Variants in IQGAP2 observed in about 807,000 individuals in gnomAD.
The protein encoded by IQGAP2 is ras GTPase-activating-like protein IQGAP2.
Under a neutral mutation model 201.3 loss-of-function variants are expected in IQGAP2, and 173 were observed. The observed-to-expected ratio is 0.86, with a 90% confidence interval of 0.76 to 0.98. IQGAP2 has a LOEUF of 0.98. IQGAP2 is among the 50% of genes least tolerant of loss of function. The pLI, the probability that IQGAP2 is intolerant of heterozygous loss-of-function variation, is 0.00. For synonymous variants in IQGAP2, 675 were observed against 673.9 expected, an observed-to-expected ratio of 1.00 and a Z score of -0.03; for missense variants, 1,687 against 1,864.8, an observed-to-expected ratio of 0.90 and a Z score of 1.76.
intron 2 of IQGAP2, among the ~76,000 whole-genome samples, chr5:76,478,730 C>T (rs2150142353): frequency 6.6e-6 from 1 of 152,232 alleles, no homozygotes; most frequent in East Asian, 1.9e-4. Flanking sequence ...GCCATATATC[C>T]TAGGTGTGTA....
chr5:76,658,539 G>T lies in IQGAP2; in HGVS notation c.2401G>T (p.Glu801Ter). The change falls in exon 21 of 36, where the codon GAA (glutamate) becomes TAA (stop). Residue 801 changes from glutamate to a stop codon, truncating the protein, a stop_gained. Transcript: ENST00000274364. LOFTEE classifies it high-confidence loss of function. ...LDQSDLDFQE[E>*]LEVARLREEV... is the part of the protein sequence containing the mutation. ...CCAAAGTGATTTGGATTTCCAGGAG[G>T]AACTAGAGGTTGCACGATTAAGGGA... 1 of 1,614,034 alleles carries T rather than the reference G, an allele frequency of 6.2e-7. No individual in the cohort carries two copies. Among genetic ancestry groups the T allele is most frequent in the Non-Finnish European group, 8.5e-7 (1 of 1,179,986 alleles).
chr5:76,539,382 G>GC (rs1742604518), intron 2 of IQGAP2, among the ~76,000 whole-genome samples: 1 of 152,132 alleles, frequency 6.6e-6, no homozygotes, highest in Non-Finnish European at 1.5e-5. Context: ...TCATGGGTGT[G>GC]CCCCCACTCC....
Position 76,707,941 on chromosome 5 carries a change from G to C in IQGAP2, c.*628G>C, listed in dbSNP as rs1267477013. The C allele has an allele frequency of 6.6e-6, 1 of 152,602 alleles. No homozygotes were observed. The highest frequency in any genetic ancestry group is 1.9e-4 in the East Asian group (1 of 5,198). 9.5% of individuals were successfully genotyped at this position (152,602 alleles called of 1,614,324 possible). A position where few individuals can be genotyped will look rare whatever the true frequency, so the allele number is the denominator to read the frequency against. ...CCTCATGTAAAGACTCTTGCACGCA[G>C]AGCCTTTAAGTGACTAAGGAACAAC... On this transcript the variant is annotated 3_prime_UTR_variant, in exon 36 of 36. Transcript: ENST00000274364.
intron 3 of IQGAP2, among the ~76,000 whole-genome samples, chr5:76,569,220 G>A (rs1422958423): frequency 6.6e-6 from 1 of 152,174 alleles, no homozygotes; most frequent in Non-Finnish European, 1.5e-5. Context: ...CCGGAGAGAT[G>A]TAGTCTTGAA....
At chr5:76,492,475 T>C (rs1272650721) in intron 2 of IQGAP2, among the ~76,000 whole-genome samples, 1 of 152,114 alleles carries the variant, frequency 6.6e-6, no homozygotes, top group Admixed American at 6.6e-5. Flanking sequence ...AGGAAAAGAT[T>C]AGCATTGAGA....
At position 76,706,960 on chromosome 5, in the gene IQGAP2, T is replaced by C. The variant is rs535208706; in HGVS notation, c.4615-240T>C. Among the ~76,000 whole-genome samples the C allele has an allele frequency of 3.8e-4, 58 of 152,322 alleles. No individual in the cohort carries two copies. In the East Asian group the frequency reaches 9.9e-3, roughly 26 times the overall value. On this transcript the variant is annotated intron_variant, in intron 35 of 35. Coordinates refer to ENST00000274364, the MANE Select transcript of IQGAP2 (RefSeq NM_006633.5). Reference sequence around the variant, plus strand: ...ATGATTCTGATGTACACTTAAGTTTTAGAACCCCCATCTATGGCCTGGTGC... The same window carrying C: ...ATGATTCTGATGTACACTTAAGTTTCAGAACCCCCATCTATGGCCTGGTGC...
chr5:76,604,084 C>G (rs1450160257), intron 11 of IQGAP2, among the ~76,000 whole-genome samples: 2 of 151,994 alleles, frequency 1.3e-5, no homozygotes, highest in African/African-American at 4.8e-5. Context: ...ACCCATCAAC[C>G]CACCATCTAG....
chr5:76,597,629 G>A, intron 10 of IQGAP2, 27 bp downstream of exon 10: 1 of 1,612,906 alleles, frequency 6.2e-7, no homozygotes, highest in Non-Finnish European at 8.5e-7. Flanking sequence ...CCCAGCTGTG[G>A]GGACGGTAAC....
At chr5:76,404,171 C>A (rs1213938454) in intron 1 of IQGAP2, among the ~76,000 whole-genome samples, 1 of 151,980 alleles carries the variant, frequency 6.6e-6, no homozygotes, top group Non-Finnish European at 1.5e-5. Flanking sequence ...CTGAAACCCC[C>A]CAACCCCTTT....
At chr5:76,494,515 C>T (rs1214375921) in intron 2 of IQGAP2, among the ~76,000 whole-genome samples, 2 of 152,184 alleles carry the variant, frequency 1.3e-5, no homozygotes, top group Admixed American at 6.5e-5. Flanking sequence ...CACAATTGTA[C>T]ATGCCCTCAG....
rs375721188 is a variant in IQGAP2 at position 76,614,131 on chromosome 5, A to G, written c.1521+2948A>G. Among the ~76,000 whole-genome samples, 54 of 152,296 alleles carry G rather than the reference A, an allele frequency of 3.5e-4. No homozygotes were observed. The East Asian group carries it at 5.6e-3, about 16-fold the overall frequency. ...TTGTCTTTGAGGTGAGCCTGACTCC[A>G]CAAACCCAAGGCCTTTCATAGGCAG... is the stretch of plus-strand genomic sequence containing the variant. On this transcript the variant is annotated intron_variant, in intron 13 of 35. Coordinates refer to ENST00000274364, the MANE Select transcript of IQGAP2 (RefSeq NM_006633.5).
chr5:76,472,059 G>A (rs1755142683), intron 2 of IQGAP2, among the ~76,000 whole-genome samples: 1 of 152,220 alleles, frequency 6.6e-6, no homozygotes, highest in Non-Finnish European at 1.5e-5. Context: ...TGCGGCAGCT[G>A]GTGGGGCAGA....
intron 2 of IQGAP2, among the ~76,000 whole-genome samples, chr5:76,490,275 G>A (rs1285929430): frequency 6.6e-6 from 1 of 152,178 alleles, no homozygotes; most frequent in African/African-American, 2.4e-5. Flanking sequence ...CTAGGAGCTT[G>A]CATATCTAAC....
chr5:76,603,062 A>G (rs565984039), intron 11 of IQGAP2, among the ~76,000 whole-genome samples: 4 of 152,312 alleles, frequency 2.6e-5, no homozygotes, highest in Admixed American at 2.0e-4. Context: ...TTCACATCCG[A>G]ATTAAGAACA....
rs1200594862 is a variant in IQGAP2, at chr5:76,626,276, T to C, written c.1522-1134T>C. Reference sequence around the variant, plus strand: ...TTCTTTTTTTTCTTCTTTTCTTTTTTTTTTTTTTTTTTTGTGAGACAGAGT... The same window carrying C: ...TTCTTTTTTTTCTTCTTTTCTTTTTCTTTTTTTTTTTTTGTGAGACAGAGT... On this transcript the variant is annotated intron_variant, in intron 13 of 35. Coordinates refer to ENST00000274364, the MANE Select transcript of IQGAP2 (RefSeq NM_006633.5). 4.7e-4 allele frequency among the ~76,000 whole-genome samples: 59 copies of C among 125,634 alleles called. 1 individual carries two copies. Among genetic ancestry groups the C allele is most frequent in the African/African-American group, 1.7e-3 (56 of 33,192 alleles). 82.4% of individuals were successfully genotyped at this position (125,634 alleles called of 152,430 possible).
At chr5:76,509,610 G>T (rs1055982619) in intron 2 of IQGAP2, among the ~76,000 whole-genome samples, 1 of 151,982 alleles carries the variant, frequency 6.6e-6, no homozygotes, top group African/African-American at 2.4e-5. Context: ...TAGCCAGGAT[G>T]GCCTCAATCT....
intron 1 of IQGAP2, 142 bp from the exon 2 acceptor site, chr5:76,461,428 T>A: frequency 1.9e-6 from 1 of 526,200 alleles, no homozygotes; most frequent in African/African-American, 2.0e-5. Context: ...AAAGGCAAAT[T>A]TCTCTCTCTG....
chr5:76,510,597 C>A, intron 2 of IQGAP2: 1 of 497,334 alleles, frequency 2.0e-6, no homozygotes, highest in South Asian at 1.5e-5. Context: ...GACAGTGTGC[C>A]ATCGATGTCC....
chr5:76,556,783 T>G (rs1318572657), intron 2 of IQGAP2, among the ~76,000 whole-genome samples: 1 of 152,206 alleles, frequency 6.6e-6, no homozygotes, highest in East Asian at 1.9e-4. Flanking sequence ...TGATGATTGA[T>G]AGGAGTTTCC....
Sources: gnomAD v4.1 joint callset for allele counts (sites outside exome capture counted in the v4.1 genomes callset) on GRCh38, gnomAD v4.1.1 for gene constraint, MANE v1.5 for transcripts, NCBI Gene and HGNC (gene_info 2026-07-23, HGNC 2026-07-21) for gene names.